The following HIC1 variants were observed in gnomAD, a reference collection of about 807,000 sequenced individuals.
The protein encoded by HIC1 is HIC ZBTB transcriptional repressor 1, also known as hypermethylated in cancer 1 protein.
A neutral mutation model predicts 26.4 loss-of-function variants in HIC1; 9 were observed. The ratio of observed to expected loss-of-function variants is 0.34; its 90% CI spans 0.21 to 0.59. The LOEUF (loss-of-function observed/expected upper bound fraction) is 0.59, where lower values mean the gene tolerates loss of function less well. HIC1 is among the 20% of genes least tolerant of loss of function. HIC1 has a pLI of 0.82. For missense variants in HIC1, 965 were observed against 1,075.7 expected, an observed-to-expected ratio of 0.90 and a Z score of 1.44; for synonymous variants, 631 against 523.1, an observed-to-expected ratio of 1.21 and a Z score of -2.81.
Position 2,061,638 on chromosome 17 carries a change from A to T in HIC1, c.*2803A>T, listed in dbSNP as rs1196691783. Reference sequence around the variant, plus strand: ...ATTGGCTCCTCTGTGGGCATGAGAGAGCAGAAGGCTGTCACTGAGGACAGG... The same window carrying T: ...ATTGGCTCCTCTGTGGGCATGAGAGTGCAGAAGGCTGTCACTGAGGACAGG... On this transcript the variant is annotated 3_prime_UTR_variant, in exon 2 of 2. Transcript: ENST00000619757. 1 of 1,565,312 alleles carries T rather than the reference A, an allele frequency of 6.4e-7. No homozygotes were observed.
In HIC1 at chr17:2,058,935, A is replaced by C; in HGVS notation, c.*100A>C. ...CGCAGGGCCCACTGTGCCCGGGACA[A>C]CCGCAGCGTCGCCACAGTGGCGGCT... is the stretch of plus-strand genomic sequence containing the variant. On this transcript the variant is annotated 3_prime_UTR_variant, in exon 2 of 2. Coordinates refer to ENST00000619757, the MANE Select transcript of HIC1 (RefSeq NM_006497.4). 2 of 1,080,352 alleles carry C rather than the reference A, an allele frequency of 1.9e-6. No homozygotes were observed. Among genetic ancestry groups the C allele is most frequent in the South Asian group, 2.3e-5 (1 of 44,072 alleles). 66.9% of individuals were successfully genotyped at this position (1,080,352 alleles called of 1,614,324 possible).
rs980376047 is a variant in HIC1, at chr17:2,061,353, G to A, written c.*2518G>A. The A allele has an allele frequency of 4.3e-5, 36 of 834,048 alleles. No homozygotes were observed. The highest frequency in any genetic ancestry group is 3.6e-4 in the Middle Eastern group (1 of 2,748). The allele number at this position is 834,048 out of a possible 1,614,324, so 51.7% of individuals were successfully genotyped here. ...GGAGCAGGTCCCCCACAGCATGGCC[G>A]TGGCGTGGGTTGGAAGAGGATGGTT... On this transcript the variant is annotated 3_prime_UTR_variant, in exon 2 of 2. Coordinates refer to ENST00000619757, the MANE Select transcript of HIC1 (RefSeq NM_006497.4).
In HIC1 at chr17:2,061,457, C is replaced by T. The variant is rs77194529; in HGVS notation, c.*2622C>T. The stretch of plus-strand genomic sequence containing the variant: ...TGGGCGCCTGGTGGCCTTTCAGGAA[C>T]GGTTCCACGGGGGGGGGGCCCCAGT... On this transcript the variant is annotated 3_prime_UTR_variant, in exon 2 of 2. Transcript: ENST00000619757. 0.023 allele frequency: 33,326 copies of T among 1,465,714 alleles called. 575 individuals carry two copies. The highest frequency in any genetic ancestry group is 0.057 in the South Asian group (4,765 of 83,016). The allele number at this position is 1,465,714 out of a possible 1,614,324, so 90.8% of individuals were successfully genotyped here. A position where few individuals can be genotyped will look rare whatever the true frequency, so the allele number is the denominator to read the frequency against.
Position 2,057,582 on chromosome 17 carries a change from G to C in HIC1, c.892G>C (p.Glu298Gln), listed in dbSNP as rs777445557. 6 of 1,504,158 alleles carry C rather than the reference G, an allele frequency of 4.0e-6. No individual in the cohort carries two copies. The East Asian group carries it at 1.6e-4, about 41-fold the overall frequency. The allele number at this position is 1,504,158 out of a possible 1,614,324, so 93.2% of individuals were successfully genotyped here. A position where few individuals can be genotyped will look rare whatever the true frequency, so the allele number is the denominator to read the frequency against. The change falls in exon 2 of 2, where the codon GAG becomes CAG. Residue 298 changes from glutamate to glutamine, a missense_variant. Coordinates refer to ENST00000619757, the MANE Select transcript of HIC1 (RefSeq NM_006497.4). ...CGGCGGCAGCGGCAGCCCGGGACCC[G>C]AGCCCCCCGGCCGCCCCGACGGGCC... ...FRGGSGSPGP[E>Q]PPGRPDGPSL...
At position 2,061,377 on chromosome 17, in the gene HIC1, T is replaced by C; in HGVS notation, c.*2542T>C. 1.9e-6 allele frequency: 2 copies of C among 1,039,158 alleles called. No individual in the cohort carries two copies. The highest frequency in any genetic ancestry group is 2.7e-5 in the East Asian group (1 of 36,912). 64.4% of individuals were successfully genotyped at this position (1,039,158 alleles called of 1,614,324 possible). ...CGTGGCGTGGGTTGGAAGAGGATGG[T>C]TTATTGTCTGGGTGGATTGGTGGCT... On this transcript the variant is annotated 3_prime_UTR_variant, in exon 2 of 2. Transcript: ENST00000619757.
Position 2,055,191 on chromosome 17 carries a change from C to T in HIC1, c.-68C>T, listed in dbSNP as rs1402858662. On this transcript the variant is annotated 5_prime_UTR_variant, in exon 1 of 2. Coordinates refer to ENST00000619757, the MANE Select transcript of HIC1 (RefSeq NM_006497.4). The surrounding 1 kb of genome is among the most constrained non-coding windows in gnomAD (Gnocchi z 6.4). ...CGGAGGGCAGCGCAGCCACGTCCCC[C>T]CTGGATCCGCCGTCAGCCGGGCCCG... 1 of 152,034 alleles carries T rather than the reference C, an allele frequency of 6.6e-6. No individual in the cohort carries two copies. Among genetic ancestry groups the T allele is most frequent in the Non-Finnish European group, 1.5e-5 (1 of 68,014 alleles). 9.4% of individuals were successfully genotyped at this position (152,034 alleles called of 1,614,324 possible).
At position 2,058,656 on chromosome 17, in the gene HIC1, G is replaced by A. The variant is rs1347461145; in HGVS notation, c.1966G>A (p.Ala656Thr). The change falls in exon 2 of 2, where the codon GCG (alanine) becomes ACG (threonine). Residue 656 changes from alanine (A) to threonine (T), a missense_variant. Ala to Thr is a moderately conservative substitution (Grantham distance 58, BLOSUM62 0). This residue lies in a region of HIC1 where 210 missense variants were observed against 179.2 expected (regional missense o/e 1.17). Transcript: ENST00000619757. ...CAAGGCGGCCGCGGCCGAGCTGCTG[G>A]CGCAGACCACGCACTTCCTGCACGA... ...QDKAAAAELL[A>T]QTTHFLHDPK... is the part of the protein sequence containing the mutation. 4 of 1,564,136 alleles carry A rather than the reference G, an allele frequency of 2.6e-6. No individual in the cohort carries two copies. In the Admixed American group the frequency reaches 5.5e-5, roughly 22 times the overall value.
chr17:2,057,667 T>C lies in HIC1; in HGVS notation c.977T>C (p.Leu326Pro). 6.6e-7 allele frequency: 1 copy of C among 1,511,598 alleles called. No individual in the cohort carries two copies. The highest frequency in any genetic ancestry group is 1.2e-5 in the South Asian group (1 of 81,412). 93.6% of individuals were successfully genotyped at this position (1,511,598 alleles called of 1,614,324 possible). Residue 326 changes from leucine to proline, a missense_variant, in exon 2 of 2, where the codon CTG (leucine) becomes CCG (proline). Physicochemically the swap from Leu to Pro is moderately conservative, Grantham distance 98 (BLOSUM62 -3). Around this residue, in one of 6 missense-constraint regions of HIC1, gnomAD observed 526 missense variants for 525.0 expected, o/e 1.00. Coordinates refer to ENST00000619757, the MANE Select transcript of HIC1 (RefSeq NM_006497.4). ...EPGLGSYGDELGRERGSPSER... is the reference protein window; with the variant it reads ...EPGLGSYGDEPGRERGSPSER... Reference sequence around the variant, plus strand: ...GGCCTGGGTAGCTATGGCGACGAGCTGGGCCGGGAGCGCGGCTCCCCCAGC... The same window carrying C: ...GGCCTGGGTAGCTATGGCGACGAGCCGGGCCGGGAGCGCGGCTCCCCCAGC...
Position 2,057,735 on chromosome 17 carries a change from G to A in HIC1, c.1045G>A (p.Gly349Arg). 1 of 1,394,674 alleles carries A rather than the reference G, an allele frequency of 7.2e-7. No individual in the cohort carries two copies. The allele number at this position is 1,394,674 out of a possible 1,614,324, so 86.4% of individuals were successfully genotyped here. ...ERGGDAAVSP[G>R]GPPLGLAPPP... ...TGGTGGGGACGCGGCCGTCTCGCCC[G>A]GGGGGCCCCCGCTCGGCCTGGCGCC... The change falls in exon 2 of 2, where the codon GGG becomes AGG. Residue 349 changes from glycine to arginine, a missense_variant. By Grantham distance (125) the Gly-to-Arg change is moderately radical. This residue lies in a region of HIC1 where 526 missense variants were observed against 525.0 expected (regional missense o/e 1.00). Transcript: ENST00000619757.
rs898116236 is a variant in HIC1, at chr17:2,058,900, G to A, written c.*65G>A. On this transcript the variant is annotated 3_prime_UTR_variant, in exon 2 of 2. Coordinates refer to ENST00000619757, the MANE Select transcript of HIC1 (RefSeq NM_006497.4). ...CCTGGCCCGCACCCCAGGGAGCGGC[G>A]GGGGCGGCGCGCAGGGCCCACTGTG... 3.4e-5 allele frequency: 45 copies of A among 1,311,848 alleles called. No individual in the cohort carries two copies. The highest frequency in any genetic ancestry group is 2.8e-4 in the Middle Eastern group (1 of 3,558). 81.3% of individuals were successfully genotyped at this position (1,311,848 alleles called of 1,614,324 possible).
rs1452588562 is a variant in HIC1 at position 2,057,611 on chromosome 17, TCTC to T, written c.925_927del (p.Leu309del). On this transcript the variant is annotated inframe_deletion, in exon 2 of 2. Transcript: ENST00000619757. ...CCCCCGGCCGCCCCGACGGGCCTAGTCTCCTCTATCGCTGGATGAAGCACGAGC... is the reference window on the plus strand; with the variant it reads ...CCCCCGGCCGCCCCGACGGGCCTAGTCTCTATCGCTGGATGAAGCACGAGC... 4.0e-6 allele frequency: 6 copies of T among 1,512,206 alleles called. No homozygotes were observed. The highest frequency in any genetic ancestry group is 1.4e-5 in the African/African-American group (1 of 69,564). 93.7% of individuals were successfully genotyped at this position (1,512,206 alleles called of 1,614,324 possible).
In HIC1 at chr17:2,058,861, C is replaced by T. The variant is rs777778959; in HGVS notation, c.*26C>T. On this transcript the variant is annotated 3_prime_UTR_variant, in exon 2 of 2. Transcript: ENST00000619757. ...AGCGCCCCTCGCCAGCCCGCTCTGTCGCTGCTGCGCGGCCCTGGCCCGCAC... is the reference window on the plus strand; with the variant it reads ...AGCGCCCCTCGCCAGCCCGCTCTGTTGCTGCTGCGCGGCCCTGGCCCGCAC... 2 of 1,410,680 alleles carry T rather than the reference C, an allele frequency of 1.4e-6. No homozygotes were observed. Among genetic ancestry groups the T allele is most frequent in the Non-Finnish European group, 1.8e-6 (2 of 1,085,226 alleles). The allele number at this position is 1,410,680 out of a possible 1,614,324, so 87.4% of individuals were successfully genotyped here.
In HIC1 at chr17:2,063,073, A is replaced by G. The variant is rs1219530864; in HGVS notation, c.*4238A>G. ...GTATGCAGGGCTGTGTGGGGCTCCC[A>G]GCTGACTGGCTGCGTCTGTAGCAGC... On this transcript the variant is annotated 3_prime_UTR_variant, in exon 2 of 2. Coordinates refer to ENST00000619757, the MANE Select transcript of HIC1 (RefSeq NM_006497.4). 6.6e-6 allele frequency: 1 copy of G among 152,246 alleles called. No homozygotes were observed. The highest frequency in any genetic ancestry group is 6.5e-5 in the Admixed American group (1 of 15,280). The allele number at this position is 152,246 out of a possible 1,614,324, so 9.4% of individuals were successfully genotyped here.
At position 2,061,363 on chromosome 17, in the gene HIC1, T is replaced by A. The variant is rs1597309262; in HGVS notation, c.*2528T>A. 2.2e-6 allele frequency: 2 copies of A among 921,490 alleles called. No individual in the cohort carries two copies. The highest frequency in any genetic ancestry group is 5.5e-5 in the East Asian group (2 of 36,426). 57.1% of individuals were successfully genotyped at this position (921,490 alleles called of 1,614,324 possible). A position where few individuals can be genotyped will look rare whatever the true frequency, so the allele number is the denominator to read the frequency against. ...CCCCACAGCATGGCCGTGGCGTGGG[T>A]TGGAAGAGGATGGTTTATTGTCTGG... is the stretch of plus-strand genomic sequence containing the variant. On this transcript the variant is annotated 3_prime_UTR_variant, in exon 2 of 2. Coordinates refer to ENST00000619757, the MANE Select transcript of HIC1 (RefSeq NM_006497.4).
Position 2,061,427 on chromosome 17 carries a change from T to C in HIC1, c.*2592T>C, listed in dbSNP as rs2067770621. On this transcript the variant is annotated 3_prime_UTR_variant, in exon 2 of 2. Coordinates refer to ENST00000619757, the MANE Select transcript of HIC1 (RefSeq NM_006497.4). ...TCAGGCACGTGGGCATCTTCCGTGC[T>C]ACACTGGGCGCCTGGTGGCCTTTCA... 16 of 1,490,892 alleles carry C rather than the reference T, an allele frequency of 1.1e-5. No individual in the cohort carries two copies. Among genetic ancestry groups the C allele is most frequent in the Middle Eastern group, 2.3e-4 (1 of 4,364 alleles). The allele number at this position is 1,490,892 out of a possible 1,614,324, so 92.4% of individuals were successfully genotyped here.
chr17:2,056,490 C>G (rs1488171645), intron 1 of HIC1, 181 bp from the exon 2 acceptor site: 1 of 1,330,056 alleles, frequency 7.5e-7, no homozygotes, highest in Non-Finnish European at 1.1e-6. Flanking sequence ...TCTCCTGGTC[C>G]GGGCGGGCCG....
rs1210018942 is a variant in HIC1 at position 2,057,756 on chromosome 17, GCGC to G, written c.1076_1078del (p.Pro359del). On this transcript the variant is annotated inframe_deletion, in exon 2 of 2. Transcript: ENST00000619757. ...GCCCGGGGGGCCCCCGCTCGGCCTG[GCGC>G]CGCCGCCGCGCTACCCTGGCAGCCT... is the stretch of plus-strand genomic sequence containing the variant. 4 of 1,411,576 alleles carry G rather than the reference GCGC, an allele frequency of 2.8e-6. No individual in the cohort carries two copies. The highest frequency in any genetic ancestry group is 1.5e-5 in the South Asian group (1 of 65,626). The allele number at this position is 1,411,576 out of a possible 1,614,324, so 87.4% of individuals were successfully genotyped here.
chr17:2,058,112 C>A lies in HIC1; in HGVS notation c.1422C>A (p.Val474=). The stretch of plus-strand genomic sequence containing the variant: ...CTTTTGGAGGCGGCGGGGACAAGGT[C>A]GCCGGGGCTCCGGGTGGCCTGGGAG... ...GPPFGGGGDK[V]AGAPGGLGEL... The change falls in exon 2 of 2, where the codon GTC becomes GTA. Residue 474 remains valine (V), a synonymous_variant. Coordinates refer to ENST00000619757, the MANE Select transcript of HIC1 (RefSeq NM_006497.4). The A allele has an allele frequency of 6.3e-7, 1 of 1,597,718 alleles. No individual in the cohort carries two copies. Among genetic ancestry groups the A allele is most frequent in the African/African-American group, 1.3e-5 (1 of 74,780 alleles).
Position 2,061,473 on chromosome 17 carries a change from G to GA in HIC1, c.*2638_*2639insA, listed in dbSNP as rs932843791. On this transcript the variant is annotated 3_prime_UTR_variant, in exon 2 of 2. Coordinates refer to ENST00000619757, the MANE Select transcript of HIC1 (RefSeq NM_006497.4). ...TTTCAGGAACGGTTCCACGGGGGGG[G>GA]GGCCCCAGTGTGGCTCCCTCAGCCC... is the stretch of plus-strand genomic sequence containing the variant. 6.4e-6 allele frequency: 10 copies of GA among 1,565,806 alleles called. No homozygotes were observed. Among genetic ancestry groups the GA allele is most frequent in the Non-Finnish European group, 8.6e-6 (10 of 1,157,366 alleles).
Sources: allele counts gnomAD v4.1 joint callset, GRCh38; gene constraint gnomAD v4.1.1; regional missense constraint gnomAD v4.1.1; non-coding constraint Gnocchi (gnomAD v3.1); transcripts MANE v1.5; gene names NCBI Gene and HGNC (gene_info 2026-07-23, HGNC 2026-07-21).